Variants in PTPRT observed in about 807,000 individuals in gnomAD.
PTPRT encodes the protein protein tyrosine phosphatase receptor type T, also known as receptor-type tyrosine-protein phosphatase T.
In PTPRT, 56 loss-of-function variants were observed where a neutral mutation model predicts 176.8. The observed-to-expected ratio is 0.32, with a 90% CI of 0.26 to 0.40. The LOEUF (loss-of-function observed/expected upper bound fraction) is 0.40. Ranked by LOEUF, PTPRT falls within the 10% of genes least tolerant of loss-of-function variation. PTPRT has a pLI of 1.00. For missense variants in PTPRT, 1,540 were observed against 1,908.2 expected, an observed-to-expected ratio of 0.81 and a Z score of 3.60; for synonymous variants, 783 against 739.0, an observed-to-expected ratio of 1.06 and a Z score of -0.96.
intron 2 of PTPRT, among the ~76,000 whole-genome samples, chr20:42,881,724 CAAAAAAAAA>C (rs112191705): frequency 2.2e-4 from 8 of 36,704 alleles, no homozygotes; most frequent in Non-Finnish European, 5.8e-4. Flanking sequence ...CACTCTGTCT[CAAAAAAAAA>C]AAAAAAAAAA....
At chr20:42,899,230 G>A (rs1056383985) in intron 1 of PTPRT, among the ~76,000 whole-genome samples, 1 of 152,222 alleles carries the variant, frequency 6.6e-6, no homozygotes, top group African/African-American at 2.4e-5. Context: ...AGGGAGCAGC[G>A]AAAGAAACAG....
intron 14 of PTPRT, among the ~76,000 whole-genome samples, chr20:42,245,153 G>A (rs375009522): frequency 6.6e-5 from 10 of 152,162 alleles, no homozygotes; most frequent in African/African-American, 2.4e-4. Flanking sequence ...CAGATCCAGA[G>A]GAAAAAGATG....
intron 9 of PTPRT, among the ~76,000 whole-genome samples, chr20:42,438,894 A>G (rs117521952): frequency 0.015 from 2,257 of 152,312 alleles, 24 homozygotes; most frequent in Non-Finnish European, 0.021. Flanking sequence ...CCCCAAGGCA[A>G]ATACAGAGGC....
chr20:42,826,564 A>G (rs1343872706), intron 2 of PTPRT, among the ~76,000 whole-genome samples: 2 of 152,238 alleles, frequency 1.3e-5, no homozygotes, highest in African/African-American at 4.8e-5. Flanking sequence ...AGTGCTTCTC[A>G]GCCTTTTGGC....
chr20:42,702,999 G>A (rs536273087), intron 6 of PTPRT, among the ~76,000 whole-genome samples: 1 of 152,170 alleles, frequency 6.6e-6, no homozygotes, highest in Non-Finnish European at 1.5e-5. Flanking sequence ...CCAGCAGCAG[G>A]GTATGATCAG....
At chr20:42,448,792 T>A (rs748208213) in intron 8 of PTPRT, among the ~76,000 whole-genome samples, 1 of 151,802 alleles carries the variant, frequency 6.6e-6, no homozygotes, top group Non-Finnish European at 1.5e-5. Context: ...CTGGGCCACA[T>A]TGGAAGAAGA....
At position 42,861,744 on chromosome 20, in the gene PTPRT, G is replaced by A. The variant is rs149329068; in HGVS notation, c.214+24063C>T. 2.4e-3 allele frequency among the ~76,000 whole-genome samples: 360 copies of A among 152,270 alleles called. 3 individuals carry two copies. Among genetic ancestry groups the A allele is most frequent in the African/African-American group, 8.4e-3 (349 of 41,558 alleles). ...AGTACATATTCAAAAAGGCTAGTCAGAGAATACTGCTCACAGAAGGTGACA... is the reference window on the plus strand; with the variant it reads ...AGTACATATTCAAAAAGGCTAGTCAAAGAATACTGCTCACAGAAGGTGACA... On this transcript the variant is annotated intron_variant, in intron 2 of 30. Coordinates refer to ENST00000373187, the MANE Select transcript of PTPRT (RefSeq NM_007050.6).
chr20:42,768,689 G>A (rs1224988516), intron 5 of PTPRT, among the ~76,000 whole-genome samples: 1 of 152,040 alleles, frequency 6.6e-6, no homozygotes. Context: ...CCTTCTATCT[G>A]GTGTTGTCCC....
chr20:42,376,698 G>T (rs924052845), intron 9 of PTPRT, among the ~76,000 whole-genome samples: 1 of 152,132 alleles, frequency 6.6e-6, no homozygotes, highest in African/African-American at 2.4e-5. Context: ...GGAGTAAGAA[G>T]CTCCTAAGCA....
At chr20:42,146,355 A>G (rs1236137423) in intron 17 of PTPRT, among the ~76,000 whole-genome samples, 1 of 152,242 alleles carries the variant, frequency 6.6e-6, no homozygotes, top group Non-Finnish European at 1.5e-5. Context: ...TGAAGCCAAA[A>G]GCAGGATAGC....
chr20:42,284,853 C>T (rs781145684), intron 12 of PTPRT, among the ~76,000 whole-genome samples: 13 of 150,324 alleles, frequency 8.6e-5, no homozygotes, highest in Non-Finnish European at 4.4e-5. Context: ...AAAAAAATGA[C>T]AAGTCATGGT....
chr20:42,076,465 T>C lies in PTPRT; in HGVS notation c.*4414A>G, dbSNP rs1247795911. On this transcript the variant is annotated 3_prime_UTR_variant, in exon 31 of 31. Coordinates refer to ENST00000373187, the MANE Select transcript of PTPRT (RefSeq NM_007050.6). ...CCAGATGAGCAAATCCTCATCATTCTAGTGTGAGTTAATGGGTTCCTTCCA... is the reference window on the plus strand; with the variant it reads ...CCAGATGAGCAAATCCTCATCATTCCAGTGTGAGTTAATGGGTTCCTTCCA... 2 of 206,628 alleles carry C rather than the reference T, an allele frequency of 9.7e-6. No individual in the cohort carries two copies. The highest frequency in any genetic ancestry group is 2.0e-5 in the Non-Finnish European group (2 of 101,134). 12.8% of individuals were successfully genotyped at this position (206,628 alleles called of 1,614,324 possible).
At chr20:42,199,197 C>T (rs745575134) in intron 16 of PTPRT, 43 bp downstream of exon 16, 3 of 1,604,328 alleles carry the variant, frequency 1.9e-6, no homozygotes, top group Admixed American at 1.7e-5. Context: ...TAGGGCTGAG[C>T]TGGACCACGG....
intron 7 of PTPRT, among the ~76,000 whole-genome samples, chr20:42,585,373 T>G (rs765835097): frequency 3.3e-5 from 5 of 152,228 alleles, no homozygotes; most frequent in African/African-American, 1.2e-4. Context: ...TTGAAATAAC[T>G]CCATGCATAT....
chr20:42,838,366 C>T (rs13042490), intron 2 of PTPRT, among the ~76,000 whole-genome samples: 15,282 of 152,248 alleles, frequency 0.1, 1,070 homozygotes, highest in East Asian at 0.35. Flanking sequence ...CAGTCTGTTG[C>T]CTAAGGACAA....
At chr20:42,858,000 A>G (rs571188528) in intron 2 of PTPRT, among the ~76,000 whole-genome samples, 10 of 152,270 alleles carry the variant, frequency 6.6e-5, no homozygotes, top group African/African-American at 2.4e-4. Flanking sequence ...AAGGAGCTGG[A>G]GTATCTTGTC....
Position 42,075,504 on chromosome 20 carries a change from C to T in PTPRT, c.*5375G>A, listed in dbSNP as rs1235989571. ...AGCTTGGTGCTGATGACCTGTTTAC[C>T]CAGCCCAGGAGTGGCAAGCTGCAGC... On this transcript the variant is annotated 3_prime_UTR_variant, in exon 31 of 31. Coordinates refer to ENST00000373187, the MANE Select transcript of PTPRT (RefSeq NM_007050.6). 1 of 215,304 alleles carries T rather than the reference C, an allele frequency of 4.6e-6. No homozygotes were observed. Among genetic ancestry groups the T allele is most frequent in the Non-Finnish European group, 9.4e-6 (1 of 106,900 alleles). The allele number at this position is 215,304 out of a possible 1,614,324, so 13.3% of individuals were successfully genotyped here.
At chr20:42,988,619 A>T (rs1304359272) in intron 1 of PTPRT, among the ~76,000 whole-genome samples, 1 of 152,236 alleles carries the variant, frequency 6.6e-6, no homozygotes, top group African/African-American at 2.4e-5. Flanking sequence ...ACACTCACAC[A>T]GGACCAGCAG....
At position 42,299,641 on chromosome 20, in the gene PTPRT, C is replaced by CTTTTTTT. The variant is rs34045854; in HGVS notation, c.2139+16075_2139+16081dup. 1.7e-3 allele frequency among the ~76,000 whole-genome samples: 148 copies of CTTTTTTT among 85,966 alleles called. 6 individuals carry two copies. Among genetic ancestry groups the CTTTTTTT allele is most frequent in the African/African-American group, 2.5e-3 (52 of 20,414 alleles). 56.4% of individuals were successfully genotyped at this position (85,966 alleles called of 152,430 possible). Reference sequence around the variant, plus strand: ...GAATGGAGGTATCATGAACTTTTGCCTTTTTTTTTTTTTTTTTTTTTTTGA... The same window carrying CTTTTTTT: ...GAATGGAGGTATCATGAACTTTTGCCTTTTTTTTTTTTTTTTTTTTTTTTTTTTTTGA... On this transcript the variant is annotated intron_variant, in intron 12 of 30. Coordinates refer to ENST00000373187, the MANE Select transcript of PTPRT (RefSeq NM_007050.6).
Sources: allele counts gnomAD v4.1 joint callset (sites outside exome capture counted in the v4.1 genomes callset), GRCh38; gene constraint gnomAD v4.1.1; transcripts MANE v1.5; gene names NCBI Gene and HGNC (gene_info 2026-07-23, HGNC 2026-07-21).